The following CDK8 variants were observed in gnomAD, a reference collection of about 807,000 sequenced individuals.
CDK8 encodes the protein cyclin dependent kinase 8, also known as cyclin-dependent kinase 8.
CDK8 carries 29 observed loss-of-function variants against 71.5 expected under a neutral mutation model. The ratio of observed to expected loss-of-function variants is 0.41; its 90% CI spans 0.30 to 0.55. The LOEUF is 0.55. Among genes scored for constraint, CDK8 ranks in the 20% least tolerant of loss-of-function variants. The pLI, the probability that CDK8 is intolerant of heterozygous loss-of-function variation, is 0.37. For synonymous variants in CDK8, 161 were observed against 192.1 expected, an observed-to-expected ratio of 0.84 and a Z score of 1.34; for missense variants, 288 against 572.6, an observed-to-expected ratio of 0.50 and a Z score of 5.07.
chr13:26,314,981 C>A (rs1014999969), intron 1 of CDK8, among the ~76,000 whole-genome samples: 1 of 151,694 alleles, frequency 6.6e-6, no homozygotes, highest in Non-Finnish European at 1.5e-5. Context: ...ATATTAATGT[C>A]TTTTTTTTCA....
rs114737179 is a variant in CDK8, at chr13:26,262,949, C to T, written c.128+8180C>T. 8.2e-3 allele frequency among the ~76,000 whole-genome samples: 1,246 copies of T among 152,296 alleles called. 18 individuals carry two copies. The highest frequency in any genetic ancestry group is 0.027 in the African/African-American group (1,138 of 41,564). On this transcript the variant is annotated intron_variant, in intron 1 of 12. Transcript: ENST00000381527. Reference sequence around the variant, plus strand: ...TAATCCATGAATTCTAACAAATAATCATCCTACAGAGAGGAATTTTTACAT... The same window carrying T: ...TAATCCATGAATTCTAACAAATAATTATCCTACAGAGAGGAATTTTTACAT...
chr13:26,391,001 TAAA>T (rs199698945), intron 6 of CDK8, among the ~76,000 whole-genome samples: 14 of 121,674 alleles, frequency 1.2e-4, no homozygotes, highest in East Asian at 2.3e-4. Context: ...GGGCACAATC[TAAA>T]AAAAAAAAAA....
rs1555231154 is a variant in CDK8 at position 26,339,756 on chromosome 13, A to AAAT, written c.204+2115_204+2116insATA. Among the ~76,000 whole-genome samples, 155 of 142,984 alleles carry AAAT rather than the reference A, an allele frequency of 1.1e-3. 2 individuals are homozygous for AAAT. The highest frequency in any genetic ancestry group is 2.0e-3 in the East Asian group (10 of 5,032). 93.8% of individuals were successfully genotyped at this position (142,984 alleles called of 152,430 possible). On this transcript the variant is annotated intron_variant, in intron 2 of 12. Transcript: ENST00000381527. ...TATTTATATAATTACTTAAAAAAAAAATATATATATATATATAGTGTAGTA... is the reference window on the plus strand; with the variant it reads ...TATTTATATAATTACTTAAAAAAAAAAATATATATATATATATATAGTGTAGTA...
At chr13:26,359,412 C>A (rs1220144564) in intron 4 of CDK8, 3 of 155,634 alleles carry the variant, frequency 1.9e-5, no homozygotes, top group Admixed American at 6.5e-5. Flanking sequence ...TTAAGTGATT[C>A]ATAATAAGGA....
chr13:26,374,456 A>T (rs1171215556), intron 4 of CDK8, among the ~76,000 whole-genome samples: 1 of 152,222 alleles, frequency 6.6e-6, no homozygotes, highest in East Asian at 1.9e-4. Context: ...TTCCTATTTA[A>T]GAACTGACAA....
At chr13:26,312,913 A>T (rs916216226) in intron 1 of CDK8, among the ~76,000 whole-genome samples, 1 of 152,218 alleles carries the variant, frequency 6.6e-6, no homozygotes, top group Non-Finnish European at 1.5e-5. Context: ...ACTCATGTAC[A>T]GTGGATTCCT....
chr13:26,289,200 G>A (rs546288834), intron 1 of CDK8, among the ~76,000 whole-genome samples: 9 of 151,486 alleles, frequency 5.9e-5, no homozygotes, highest in Admixed American at 5.3e-4. Flanking sequence ...GACTACAGGC[G>A]CATGCCACCA....
chr13:26,276,537 A>G (rs1872570119), intron 1 of CDK8, among the ~76,000 whole-genome samples: 1 of 152,234 alleles, frequency 6.6e-6, no homozygotes, highest in Non-Finnish European at 1.5e-5. Context: ...TCATAAGGGC[A>G]TATAAGTTAC....
chr13:26,352,829 AT>A (rs1189060311), intron 3 of CDK8, among the ~76,000 whole-genome samples: 1 of 152,204 alleles, frequency 6.6e-6, no homozygotes, highest in African/African-American at 2.4e-5. Flanking sequence ...TCTGTATATC[AT>A]AAGAAAATAG....
At chr13:26,347,294 A>G (rs1873498673) in intron 2 of CDK8, among the ~76,000 whole-genome samples, 2 of 152,318 alleles carry the variant, frequency 1.3e-5, no homozygotes, top group South Asian at 4.1e-4. Flanking sequence ...CAAAATTTTA[A>G]TCAACTTTAC....
chr13:26,291,697 T>C (rs2137902594), intron 1 of CDK8, among the ~76,000 whole-genome samples: 1 of 152,326 alleles, frequency 6.6e-6, no homozygotes, highest in East Asian at 1.9e-4. Flanking sequence ...TAGAGTAATC[T>C]GTTGCAATTT....
intron 4 of CDK8, among the ~76,000 whole-genome samples, chr13:26,370,562 A>G (rs946618504): frequency 6.6e-6 from 1 of 152,258 alleles, no homozygotes; most frequent in African/African-American, 2.4e-5. Flanking sequence ...GCTTTTATAT[A>G]CTTCCAATAT....
intron 9 of CDK8, among the ~76,000 whole-genome samples, chr13:26,398,954 C>G (rs1309822466): frequency 7.3e-6 from 1 of 137,906 alleles, no homozygotes; most frequent in African/African-American, 2.7e-5. Flanking sequence ...CAAAGCAAGA[C>G]TCTATCTCAA....
In CDK8 at chr13:26,355,626, GA is replaced by G. The variant is rs142880877; in HGVS notation, c.456+1750del. ...GAAACTCCATCTCTAAAAAATAAAA[GA>G]AAACAAAAAATAGATTTACATAACA... On this transcript the variant is annotated intron_variant, in intron 4 of 12. Transcript: ENST00000381527. Among the ~76,000 whole-genome samples the G allele has an allele frequency of 6.6e-3, 1,000 of 152,048 alleles. 10 individuals are homozygous for G. The highest frequency in any genetic ancestry group is 0.021 in the African/African-American group (866 of 41,502).
chr13:26,284,942 CAAAA>C (rs59801630), intron 1 of CDK8, among the ~76,000 whole-genome samples: 1 of 145,184 alleles, frequency 6.9e-6, no homozygotes, highest in Non-Finnish European at 1.5e-5. Context: ...CAAAAATCCT[CAAAA>C]AAAAAAAAAA....
rs78387839 is a variant in CDK8 at position 26,290,386 on chromosome 13, G to A, written c.128+35617G>A. On this transcript the variant is annotated intron_variant, in intron 1 of 12. Transcript: ENST00000381527. The stretch of plus-strand genomic sequence containing the variant: ...AGGTTTTAGTTTTCAACAAGTGAAA[G>A]AGTGGGGATTGGAAAACAGATATGT... 2.2e-4 allele frequency among the ~76,000 whole-genome samples: 33 copies of A among 152,322 alleles called. No homozygotes were observed. In the East Asian group the frequency reaches 6.4e-3, roughly 29 times the overall value.
chr13:26,382,749 C>T (rs1593302670), intron 4 of CDK8, 65 bp from the exon 5 acceptor site: 1 of 892,950 alleles, frequency 1.1e-6, no homozygotes, highest in South Asian at 1.7e-5. Flanking sequence ...GTTATATTGG[C>T]ATATTGTCTA....
At chr13:26,384,464 G>A (rs1008744480) in intron 5 of CDK8, among the ~76,000 whole-genome samples, 16 of 152,072 alleles carry the variant, frequency 1.1e-4, no homozygotes, top group African/African-American at 3.1e-4. Flanking sequence ...TGAAAGAGAC[G>A]CAATTTTTGC....
At chr13:26,364,512 C>T (rs536221478) in intron 4 of CDK8, among the ~76,000 whole-genome samples, 3 of 152,032 alleles carry the variant, frequency 2.0e-5, no homozygotes, top group African/African-American at 4.8e-5. Flanking sequence ...TTTTGAATAG[C>T]GGTTAGGAGG....
Sources: gnomAD v4.1 joint callset for allele counts (sites outside exome capture counted in the v4.1 genomes callset) on GRCh38, gnomAD v4.1.1 for gene constraint, MANE v1.5 for transcripts, NCBI Gene and HGNC (gene_info 2026-07-23, HGNC 2026-07-21) for gene names.